Variants in DYM observed in about 807,000 individuals in gnomAD.
DYM encodes the protein dyggve-Melchior-Clausen syndrome protein.
In DYM, 78 loss-of-function variants were observed where a neutral mutation model predicts 93.1. The observed-to-expected ratio is 0.84, with a 90% CI of 0.70 to 1.01. The LOEUF is 1.01. DYM is among the 50% of genes least tolerant of loss of function. DYM has a pLI of 0.00. For synonymous variants in DYM, 321 were observed against 319.7 expected (o/e 1.00, Z -0.04); for missense variants, 789 against 845.0 (o/e 0.93, Z 0.82).
intron 13 of DYM, among the ~76,000 whole-genome samples, chr18:49,253,772 G>T (rs112022486): frequency 8.5e-5 from 13 of 152,154 alleles, no homozygotes; most frequent in African/African-American, 2.4e-4. Context: ...GGTGACTCAA[G>T]AAATTTACCT....
intron 5 of DYM, among the ~76,000 whole-genome samples, chr18:49,372,783 C>T (rs1698071877): frequency 6.6e-6 from 1 of 151,866 alleles, no homozygotes. Flanking sequence ...GAACTGTCAA[C>T]TCTGTATAAA....
intron 15 of DYM, among the ~76,000 whole-genome samples, chr18:49,158,601 T>C (rs1016648500): frequency 1.3e-5 from 2 of 152,194 alleles, no homozygotes; most frequent in African/African-American, 4.8e-5. Context: ...AAGGGACATT[T>C]CCATCAAGAA....
At chr18:49,292,592 G>GAAAAAAAAAAAA (rs72415237) in intron 8 of DYM, among the ~76,000 whole-genome samples, 11 of 78,784 alleles carry the variant, frequency 1.4e-4, no homozygotes, top group African/African-American at 1.7e-4. Flanking sequence ...TTTCCTGTTG[G>GAAAAAAAAAAAA]AAAAAAAAAA....
chr18:49,126,340 A>C (rs2082824496), intron 15 of DYM: 1 of 152,226 alleles, frequency 6.6e-6, no homozygotes. Context: ...CAAAGTATCA[A>C]ATTTTTGACT....
rs574518036 is a variant in DYM at position 49,226,007 on chromosome 18, A to T, written c.1461-16292T>A. Among the ~76,000 whole-genome samples, 9 of 152,258 alleles carry T rather than the reference A, an allele frequency of 5.9e-5. No homozygotes were observed. The East Asian group carries it at 9.6e-4, about 16-fold the overall frequency. ...TTTTATTTCCAACAATATTTTTGAG[A>T]ACTTTAACTTGTCTTTGAAGACTTG... On this transcript the variant is annotated intron_variant, in intron 13 of 17. Transcript: ENST00000675505.
chr18:49,295,855 C>T (rs183164022), intron 8 of DYM, among the ~76,000 whole-genome samples: 29 of 151,928 alleles, frequency 1.9e-4, no homozygotes, highest in African/African-American at 6.5e-4. Flanking sequence ...CACAGGTATT[C>T]CATGTGCACT....
intron 17 of DYM, among the ~76,000 whole-genome samples, chr18:49,088,735 A>G (rs900487989): frequency 6.6e-6 from 1 of 152,122 alleles, no homozygotes; most frequent in African/African-American, 2.4e-5. Flanking sequence ...TAATAAGCAA[A>G]TGGGTTAAGA....
chr18:49,411,609 T>C (rs374692409), intron 2 of DYM, among the ~76,000 whole-genome samples: 2 of 152,126 alleles, frequency 1.3e-5, no homozygotes, highest in South Asian at 2.1e-4. Flanking sequence ...GAAAAGCAGA[T>C]AGGCAAAAAA....
intron 16 of DYM, among the ~76,000 whole-genome samples, chr18:49,108,428 G>A (rs1440305180): frequency 2.6e-5 from 4 of 152,170 alleles, no homozygotes; most frequent in Admixed American, 6.5e-5. Flanking sequence ...CCCACTTTCC[G>A]GCACTCCCCA....
At chr18:49,084,914 A>C (rs1273852101) in intron 17 of DYM, among the ~76,000 whole-genome samples, 2 of 152,192 alleles carry the variant, frequency 1.3e-5, no homozygotes, top group Non-Finnish European at 2.9e-5. Flanking sequence ...CAAAGTCAGG[A>C]CAGTTTTTAG....
chr18:49,317,646 C>CTCCTCTCCTCTCCTTCCTTCCT (rs750848541), intron 8 of DYM, among the ~76,000 whole-genome samples: 3 of 36,612 alleles, frequency 8.2e-5, no homozygotes, highest in Non-Finnish European at 1.6e-4. Flanking sequence ...ATCCTCTCCT[C>CTCCTCTCCTCTCCTTCCTTCCT]TCCTTCCTTC....
intron 17 of DYM, among the ~76,000 whole-genome samples, chr18:49,077,611 T>C (rs1490704952): frequency 6.6e-6 from 1 of 152,204 alleles, no homozygotes; most frequent in Non-Finnish European, 1.5e-5. Flanking sequence ...CACAGTGGAG[T>C]TGTCTGTCAG....
intron 13 of DYM, among the ~76,000 whole-genome samples, chr18:49,221,670 A>G (rs1268946478): frequency 6.6e-6 from 1 of 151,932 alleles, no homozygotes; most frequent in Non-Finnish European, 1.5e-5. Flanking sequence ...AAAACCAAAC[A>G]CCGCATGTTC....
intron 8 of DYM, among the ~76,000 whole-genome samples, chr18:49,319,090 CCA>C (rs1443136045): frequency 6.6e-6 from 1 of 152,092 alleles, no homozygotes; most frequent in Non-Finnish European, 1.5e-5. Context: ...CAGGCGTGAG[CCA>C]CGCAACCGGC....
At chr18:49,127,086 T>C (rs2082902187) in intron 15 of DYM, among the ~76,000 whole-genome samples, 1 of 152,202 alleles carries the variant, frequency 6.6e-6, no homozygotes, top group Non-Finnish European at 1.5e-5. Context: ...GCAGCCATAA[T>C]AGAATCTGCT....
intron 1 of DYM, among the ~76,000 whole-genome samples, chr18:49,441,121 T>A (rs375056066): frequency 1.6e-4 from 1 of 6,110 alleles, no homozygotes; most frequent in Admixed American, 3.5e-3. Context: ...ATAAATATAT[T>A]ATATATTTAT....
chr18:49,138,976 T>C (rs1243675982), intron 15 of DYM, among the ~76,000 whole-genome samples: 4 of 152,194 alleles, frequency 2.6e-5, no homozygotes, highest in Admixed American at 2.0e-4. Flanking sequence ...TTAGCAGTTA[T>C]AGCCAATCTC....
chr18:49,075,708 C>T (rs2077245446), intron 17 of DYM, among the ~76,000 whole-genome samples: 1 of 152,106 alleles, frequency 6.6e-6, no homozygotes, highest in Admixed American at 6.5e-5. Context: ...AAATTCAAAA[C>T]ATTTACTACT....
rs1030453385 is a variant in DYM at position 49,209,640 on chromosome 18, C to T, written c.1536G>A (p.Thr512=). The T allele has an allele frequency of 3.9e-6, 5 of 1,289,446 alleles. No individual in the cohort carries two copies. The highest frequency in any genetic ancestry group is 3.0e-5 in the African/African-American group (2 of 65,804). The allele number at this position is 1,289,446 out of a possible 1,614,324, so 79.9% of individuals were successfully genotyped here. ...TGAGGGTCGAGAAGCAATGCTGAAG[C>T]GTAGAACAGTGAGAGTGGGGGAAAT... The part of the protein sequence containing the change: ...KLYFPHSHCS[T]LQHCFSTLSD... The change falls in exon 14 of 18, where the codon ACG becomes ACA. Residue 512 remains threonine, a synonymous_variant. Transcript: ENST00000675505.
Sources: allele counts gnomAD v4.1 joint callset (sites outside exome capture counted in the v4.1 genomes callset), GRCh38; gene constraint gnomAD v4.1.1; transcripts MANE v1.5; gene names NCBI Gene and HGNC (gene_info 2026-07-23, HGNC 2026-07-21).